Variants in GPHN observed in about 807,000 individuals in gnomAD.
The protein encoded by GPHN is gephyrin.
A neutral mutation model predicts 95.5 loss-of-function variants in GPHN; 17 were observed. The ratio of observed to expected loss-of-function variants is 0.18; its 90% confidence interval spans 0.12 to 0.27. The LOEUF is 0.27. Among genes scored for constraint, GPHN ranks in the 10% least tolerant of loss-of-function variants. The probability of loss-of-function intolerance (pLI) is 1.00; values close to 1 mark genes in which losing one functional copy is unlikely to be tolerated. For missense variants in GPHN, 660 were observed against 978.1 expected, an observed-to-expected ratio of 0.67 and a Z score of 4.34; for synonymous variants, 320 against 322.5, an observed-to-expected ratio of 0.99 and a Z score of 0.08.
chr14:66,902,212 G>A (rs2065155372), intron 5 of GPHN, among the ~76,000 whole-genome samples: 1 of 151,934 alleles, frequency 6.6e-6, no homozygotes, highest in Non-Finnish European at 1.5e-5. Context: ...CTTTTTGTAT[G>A]TTGATTTTGT....
intron 2 of GPHN, among the ~76,000 whole-genome samples, chr14:66,757,704 A>G (rs2058614851): frequency 1.3e-5 from 2 of 152,296 alleles, no homozygotes; most frequent in South Asian, 2.1e-4. Flanking sequence ...TTGCTTTTAT[A>G]TGCATAGAGG....
At chr14:67,132,899 T>G (rs1421482586) in intron 17 of GPHN, among the ~76,000 whole-genome samples, 2 of 151,550 alleles carry the variant, frequency 1.3e-5, no homozygotes, top group African/African-American at 4.8e-5. Context: ...AATTAATGTA[T>G]TTGAATTCAA....
At chr14:67,446,488 C>G in the GPHN span, among the ~76,000 whole-genome samples, 50 of 152,354 alleles carry the variant, frequency 3.3e-4, no homozygotes, top group Admixed American at 6.5e-4. Context: ...TGATGAGGTG[C>G]TGACCTCCGG....
intron 2 of GPHN, among the ~76,000 whole-genome samples, chr14:66,719,586 A>C (rs2070532728): frequency 6.6e-6 from 1 of 151,932 alleles, no homozygotes; most frequent in Non-Finnish European, 1.5e-5. Context: ...TGTAGCCAAA[A>C]TTCACCGTGT....
chr14:67,003,673 T>C (rs192348314), intron 9 of GPHN, among the ~76,000 whole-genome samples: 40 of 151,788 alleles, frequency 2.6e-4, no homozygotes, highest in African/African-American at 7.5e-4. Context: ...AATGTTTATA[T>C]TAAAGATGTA....
chr14:67,148,558 CTTT>C (rs368140123), intron 18 of GPHN, among the ~76,000 whole-genome samples: 1 of 109,058 alleles, frequency 9.2e-6, no homozygotes, highest in Non-Finnish European at 1.8e-5. Flanking sequence ...ACTTTATTTG[CTTT>C]TTTTTTTTTT....
chr14:66,956,302 A>C (rs1267031520), intron 8 of GPHN, among the ~76,000 whole-genome samples: 5 of 152,116 alleles, frequency 3.3e-5, no homozygotes. Flanking sequence ...TTTGTCTCAA[A>C]TTATTTTCTT....
At chr14:67,440,667 A>G in the GPHN span, among the ~76,000 whole-genome samples, 1 of 151,890 alleles carries the variant, frequency 6.6e-6, no homozygotes, top group Non-Finnish European at 1.5e-5. Context: ...CACGAGAATC[A>G]CTTAAACCTG....
At chr14:67,292,676 C>T in the GPHN span, 1 of 1,613,540 alleles carries the variant, frequency 6.2e-7, no homozygotes, top group Non-Finnish European at 8.5e-7. Flanking sequence ...AAGGCCAGTC[C>T]TCCATTTCCT....
intron 10 of GPHN, among the ~76,000 whole-genome samples, chr14:67,037,768 G>A (rs1202806133): frequency 6.7e-6 from 1 of 149,820 alleles, no homozygotes; most frequent in Non-Finnish European, 1.5e-5. Context: ...ACACCATTAG[G>A]ATGACTACTA....
At chr14:66,600,838 G>A (rs1442393416) in intron 1 of GPHN, among the ~76,000 whole-genome samples, 1 of 152,066 alleles carries the variant, frequency 6.6e-6, no homozygotes, top group African/African-American at 2.4e-5. Flanking sequence ...TTCAGTTTCA[G>A]CTGATAGGAT....
chr14:67,567,123 CT>C, the GPHN span, among the ~76,000 whole-genome samples: 1 of 150,154 alleles, frequency 6.7e-6, no homozygotes, highest in East Asian at 2.0e-4. Flanking sequence ...TCCCAGGCCC[CT>C]GAGGCATGAT....
At chr14:67,163,892 A>G (rs1434970673) in intron 19 of GPHN, among the ~76,000 whole-genome samples, 1 of 151,990 alleles carries the variant, frequency 6.6e-6, no homozygotes, top group African/African-American at 2.4e-5. Context: ...ACTCTATGCC[A>G]CTCACTCCTT....
rs541778733 is a variant in GPHN, at chr14:66,545,357, G to A, written c.64+36766G>A. On this transcript the variant is annotated intron_variant, in intron 1 of 22. Coordinates refer to ENST00000478722, the MANE Select transcript of GPHN (RefSeq NM_020806.5). ...GGGCTGACCCCCCCACCTCCCTCCC[G>A]GACGGGGCGACTGGCCAGGCGGGGG... Among the ~76,000 whole-genome samples, 58 of 140,020 alleles carry A rather than the reference G, an allele frequency of 4.1e-4. 1 individual carries two copies. Among genetic ancestry groups the A allele is most frequent in the African/African-American group, 1.1e-3 (40 of 36,074 alleles). The allele number at this position is 140,020 out of a possible 152,430, so 91.9% of individuals were successfully genotyped here. A position where few individuals can be genotyped will look rare whatever the true frequency, so the allele number is the denominator to read the frequency against.
chr14:67,658,545 C>T, the GPHN span, among the ~76,000 whole-genome samples: 1 of 152,068 alleles, frequency 6.6e-6, no homozygotes, highest in Non-Finnish European at 1.5e-5. Flanking sequence ...TGCAGTGAGC[C>T]GAGATTGCGC....
chr14:66,921,444 GT>G (rs1161971475), intron 6 of GPHN, among the ~76,000 whole-genome samples: 3,448 of 129,112 alleles, frequency 0.027, 56 homozygotes, highest in Non-Finnish European at 0.041. Context: ...TGATGGGATT[GT>G]TTTTTTTTTT....
the GPHN span, chr14:67,575,987 T>C: frequency 1.9e-6 from 3 of 1,612,314 alleles, no homozygotes; most frequent in African/African-American, 2.7e-5. Flanking sequence ...ACCTCCTCAT[T>C]GGCACCAAGC....
chr14:67,000,542 C>G (rs1045332819), intron 9 of GPHN, among the ~76,000 whole-genome samples: 7 of 151,382 alleles, frequency 4.6e-5, no homozygotes, highest in Admixed American at 2.6e-4. Flanking sequence ...CTACAGTGCT[C>G]CACCCTTTCA....
chr14:66,779,074 T>A (rs1168532670), intron 3 of GPHN, among the ~76,000 whole-genome samples: 2 of 152,144 alleles, frequency 1.3e-5, no homozygotes, highest in Admixed American at 6.6e-5. Flanking sequence ...AAAAAAATCT[T>A]GTAATTTGTT....
Sources: gnomAD v4.1 joint callset for allele counts (sites outside exome capture counted in the v4.1 genomes callset) on GRCh38, gnomAD v4.1.1 for gene constraint, MANE v1.5 for transcripts, NCBI Gene and HGNC (gene_info 2026-07-23, HGNC 2026-07-21) for gene names.